Variants in UBQLN1 observed in about 807,000 individuals in gnomAD.
UBQLN1 encodes the protein ubiquilin-1.
UBQLN1 carries 13 observed loss-of-function variants against 65.4 expected under a neutral mutation model. The ratio of observed to expected loss-of-function variants is 0.20; its 90% CI spans 0.13 to 0.32. The LOEUF (loss-of-function observed/expected upper bound fraction) is 0.32. Among genes scored for constraint, UBQLN1 ranks in the 10% least tolerant of loss-of-function variants. The probability of loss-of-function intolerance (pLI) is 1.00; values close to 1 mark genes in which losing one functional copy is unlikely to be tolerated. For synonymous variants in UBQLN1, 267 were observed against 247.8 expected, an observed-to-expected ratio of 1.08 and a Z score of -0.73; for missense variants, 561 against 724.0, an observed-to-expected ratio of 0.77 and a Z score of 2.58.
At chr9:83,685,224 T>C (rs891509365) in intron 2 of UBQLN1, among the ~76,000 whole-genome samples, 2 of 152,158 alleles carry the variant, frequency 1.3e-5, no homozygotes, top group African/African-American at 4.8e-5. Context: ...ACAGGAGTGT[T>C]AATGGCTTGG....
chr9:83,664,001 A>G lies in UBQLN1; in HGVS notation c.1491T>C (p.Ser497=). ...TGGCGTTAGATCCATTAGTTCCCGA[A>G]GAGCCTCCAGTGCTTCCTAATGCCC... The part of the protein sequence containing the change: ...GLGALGSTGG[S]SGTNGSNATP... The change falls in exon 10 of 11, where the codon TCT becomes TCC. Residue 497 remains serine (S), a synonymous_variant. Coordinates refer to ENST00000376395, the MANE Select transcript of UBQLN1 (RefSeq NM_013438.5). 6.2e-7 allele frequency: 1 copy of G among 1,614,160 alleles called. No homozygotes were observed. Among genetic ancestry groups the G allele is most frequent in the South Asian group, 1.1e-5 (1 of 91,080 alleles).
intron 6 of UBQLN1, among the ~76,000 whole-genome samples, chr9:83,674,409 G>C (rs150990424): frequency 4.6e-5 from 7 of 152,036 alleles, no homozygotes; most frequent in Admixed American, 2.6e-4. Context: ...GAAAAGCAAT[G>C]GTCAGAAGAA....
intron 2 of UBQLN1, among the ~76,000 whole-genome samples, chr9:83,685,336 C>T (rs1832022400): frequency 6.6e-6 from 1 of 152,180 alleles, no homozygotes; most frequent in South Asian, 2.1e-4. Flanking sequence ...AAAATATGGA[C>T]ACTGACAACT....
Position 83,679,885 on chromosome 9 carries a change from T to C in UBQLN1, c.601A>G (p.Asn201Asp). 2 of 1,614,200 alleles carry C rather than the reference T, an allele frequency of 1.2e-6. No homozygotes were observed. The highest frequency in any genetic ancestry group is 1.7e-6 in the Non-Finnish European group (2 of 1,180,040). The change falls in exon 4 of 11, where the codon AAT becomes GAT. Residue 201 changes from asparagine (N) to aspartate (D), a missense_variant. Around this residue, in one of 8 missense-constraint regions of UBQLN1, gnomAD observed 75 missense variants for 138.9 expected, o/e 0.54. Transcript: ENST00000376395. ...ENPFVQSMLSNPDLMRQLIMA... is the reference protein window; with the variant it reads ...ENPFVQSMLSDPDLMRQLIMA... ...ATTAACTGTCTCATCAGGTCAGGAT[T>C]TGAGAGCATGCTCTGAACAAAGGGA...
chr9:83,695,246 T>A (rs1412255378), intron 1 of UBQLN1, among the ~76,000 whole-genome samples: 1 of 147,830 alleles, frequency 6.8e-6, no homozygotes, highest in Non-Finnish European at 1.5e-5. Flanking sequence ...TCGCCCAGGC[T>A]GGAGTACAGT....
intron 1 of UBQLN1, among the ~76,000 whole-genome samples, chr9:83,700,718 C>T (rs1832296040): frequency 6.6e-6 from 1 of 152,008 alleles, no homozygotes; most frequent in South Asian, 2.1e-4. Context: ...TACAGAAGTC[C>T]TCAGGCAGGA....
At chr9:83,694,681 T>C (rs954800414) in intron 1 of UBQLN1, among the ~76,000 whole-genome samples, 3 of 152,194 alleles carry the variant, frequency 2.0e-5, no homozygotes, top group African/African-American at 4.8e-5. Flanking sequence ...CATGCTAGGA[T>C]AGATATACTT....
chr9:83,706,986 G>A (rs1268435895), intron 1 of UBQLN1, among the ~76,000 whole-genome samples: 4 of 152,072 alleles, frequency 2.6e-5, no homozygotes, highest in East Asian at 1.9e-4. Flanking sequence ...AAGATTTCAG[G>A]AGTTAAAATG....
intron 6 of UBQLN1, among the ~76,000 whole-genome samples, chr9:83,671,841 C>T (rs529622729): frequency 6.6e-6 from 1 of 152,298 alleles, no homozygotes; most frequent in South Asian, 2.1e-4. Context: ...TAAGAATTCA[C>T]TTCTCTCCAG....
intron 6 of UBQLN1, 59 bp downstream of exon 6, chr9:83,677,665 CAAT>C (rs1831858735): frequency 8.3e-7 from 1 of 1,210,722 alleles, no homozygotes. Context: ...AGAGTATAAA[CAAT>C]GTTTTAATTA....
At chr9:83,674,110 G>A (rs959470018) in intron 6 of UBQLN1, among the ~76,000 whole-genome samples, 1 of 151,552 alleles carries the variant, frequency 6.6e-6, no homozygotes, top group Non-Finnish European at 1.5e-5. Context: ...GGCCTCCTTC[G>A]TACTGTTGTT....
chr9:83,679,706 A>T, intron 4 of UBQLN1, 69 bp downstream of exon 4: 1 of 1,522,410 alleles, frequency 6.6e-7, no homozygotes, highest in Non-Finnish European at 9.0e-7. Flanking sequence ...CAATCTCATT[A>T]ACCACAGAAA....
intron 6 of UBQLN1, among the ~76,000 whole-genome samples, chr9:83,673,016 T>C (rs1831759339): frequency 6.6e-6 from 1 of 152,126 alleles, no homozygotes; most frequent in South Asian, 2.1e-4. Context: ...TGGATCATTT[T>C]AGGTCAGGAG....
In UBQLN1 at chr9:83,707,596, G is replaced by A. The variant is rs551798896; in HGVS notation, c.84C>T (p.Ala28=). Residue 28 remains alanine, a synonymous_variant, in exon 1 of 11, where the codon GCC becomes GCT. Coordinates refer to ENST00000376395, the MANE Select transcript of UBQLN1 (RefSeq NM_013438.5). The stretch of plus-strand genomic sequence containing the variant: ...TGATTTTGGGCTCCGCGGAGGCAGC[G>A]GCCGCGGGGGCGCCAGCACCTTCGG... ...AGAEGAGAPA[A]AASAEPKIMK... 5.0e-6 allele frequency: 8 copies of A among 1,600,080 alleles called. No individual in the cohort carries two copies. In the South Asian group the frequency reaches 7.8e-5, roughly 16 times the overall value.
chr9:83,678,352 C>T, intron 5 of UBQLN1, 89 bp downstream of exon 5: 2 of 1,451,470 alleles, frequency 1.4e-6, no homozygotes, highest in Non-Finnish European at 9.2e-7. Context: ...AAACCACATT[C>T]CTCATATAAA....
chr9:83,683,368 G>A (rs1351750081), intron 2 of UBQLN1, among the ~76,000 whole-genome samples: 5 of 135,172 alleles, frequency 3.7e-5, no homozygotes, highest in African/African-American at 5.6e-5. Flanking sequence ...GCGAGATCGC[G>A]CCACTGCACT....
intron 1 of UBQLN1, among the ~76,000 whole-genome samples, chr9:83,702,674 T>C (rs940312976): frequency 6.6e-6 from 1 of 152,206 alleles, no homozygotes. Flanking sequence ...ATTTTCAAAA[T>C]CTGGTATAAA....
intron 2 of UBQLN1, among the ~76,000 whole-genome samples, chr9:83,684,900 C>CCTTAG (rs1832014319): frequency 6.6e-6 from 1 of 151,448 alleles, no homozygotes; most frequent in South Asian, 2.1e-4. Context: ...TGCTTCTTTC[C>CCTTAG]CTGAATTTAG....
chr9:83,690,482 G>A (rs1002020564), intron 1 of UBQLN1, among the ~76,000 whole-genome samples: 15 of 152,086 alleles, frequency 9.9e-5, no homozygotes, highest in Admixed American at 9.8e-4. Flanking sequence ...TCGACCTTTA[G>A]GCTAAAACAC....
Sources: allele counts gnomAD v4.1 joint callset (sites outside exome capture counted in the v4.1 genomes callset), GRCh38; gene constraint gnomAD v4.1.1; regional missense constraint gnomAD v4.1.1; transcripts MANE v1.5; gene names NCBI Gene and HGNC (gene_info 2026-07-23, HGNC 2026-07-21).